SYT16: variants seen among roughly 807,000 people sequenced by gnomAD.
The protein encoded by SYT16 is synaptotagmin 16.
In SYT16, 42 loss-of-function variants were observed where a neutral mutation model predicts 61.4. The observed-to-expected ratio is 0.68, with a 90% CI of 0.53 to 0.89. The LOEUF (loss-of-function observed/expected upper bound fraction) is 0.89, where lower values mean the gene tolerates loss of function less well. Ranked by LOEUF, SYT16 falls within the 40% of genes least tolerant of loss-of-function variation. The pLI is 0.00. For missense variants in SYT16, 804 were observed against 807.3 expected (o/e 1.00, Z 0.05); for synonymous variants, 314 against 302.3 (o/e 1.04, Z -0.40).
rs565562899 is a variant in SYT16 at position 62,014,209 on chromosome 14, G to A, written c.523+17667G>A. 9.2e-5 allele frequency among the ~76,000 whole-genome samples: 14 copies of A among 152,182 alleles called. No individual in the cohort carries two copies. In the East Asian group the frequency reaches 2.1e-3, roughly 23 times the overall value. ...GGTTCACAGATCCAACTGCCTTCACGTGGATGACAGATATCACATACATGT... is the reference window on the plus strand; with the variant it reads ...GGTTCACAGATCCAACTGCCTTCACATGGATGACAGATATCACATACATGT... On this transcript the variant is annotated intron_variant, in intron 3 of 7. Transcript: ENST00000683842.
intron 3 of SYT16, among the ~76,000 whole-genome samples, chr14:62,047,722 A>T (rs917727639): frequency 6.6e-6 from 1 of 152,168 alleles, no homozygotes; most frequent in Admixed American, 6.5e-5. Context: ...TTCTGCATCT[A>T]TTGAGATAAT....
Position 62,107,090 on chromosome 14 carries a change from A to G in SYT16, c.*6383A>G, listed in dbSNP as rs1185705417. ...GTTTACGTCATTTCCCCCTTGAAGTATCTAGTTGCTGGGGTTTTGTTTGTT... is the reference window on the plus strand; with the variant it reads ...GTTTACGTCATTTCCCCCTTGAAGTGTCTAGTTGCTGGGGTTTTGTTTGTT... On this transcript the variant is annotated 3_prime_UTR_variant, in exon 8 of 8. Transcript: ENST00000683842. The G allele has an allele frequency of 2.1e-5, 3 of 146,276 alleles. No individual in the cohort carries two copies. The highest frequency in any genetic ancestry group is 3.0e-5 in the Non-Finnish European group (2 of 66,202). The allele number at this position is 146,276 out of a possible 1,614,324, so 9.1% of individuals were successfully genotyped here.
chr14:62,048,182 A>T (rs1235406828), intron 3 of SYT16, among the ~76,000 whole-genome samples: 3 of 152,218 alleles, frequency 2.0e-5, no homozygotes, highest in Non-Finnish European at 4.4e-5. Context: ...CAGGGATTCA[A>T]CTTCTTCCTG....
chr14:61,905,528 T>C (rs2048670429), intron 1 of SYT16, among the ~76,000 whole-genome samples: 1 of 152,222 alleles, frequency 6.6e-6, no homozygotes, highest in South Asian at 2.1e-4. Context: ...CAGTGGAGTG[T>C]GGCTGGAAGT....
intron 1 of SYT16, among the ~76,000 whole-genome samples, chr14:61,938,666 C>T (rs1014629418): frequency 9.9e-5 from 15 of 151,924 alleles, no homozygotes; most frequent in Admixed American, 5.2e-4. Context: ...GGAATTTGGG[C>T]TTTATATTGT....
intron 1 of SYT16, among the ~76,000 whole-genome samples, chr14:61,817,165 C>T (rs2045467808): frequency 6.6e-6 from 1 of 151,800 alleles, no homozygotes; most frequent in Admixed American, 6.6e-5. Context: ...GCCTGTAATC[C>T]GAGCACTTTG....
intron 3 of SYT16, among the ~76,000 whole-genome samples, chr14:62,040,964 G>A (rs977021240): frequency 6.6e-6 from 1 of 152,086 alleles, no homozygotes; most frequent in Non-Finnish European, 1.5e-5. Context: ...TTATTAAGGG[G>A]TATCAACTCA....
chr14:62,022,909 A>G (rs996861925), intron 3 of SYT16, among the ~76,000 whole-genome samples: 3 of 152,136 alleles, frequency 2.0e-5, no homozygotes, highest in Non-Finnish European at 2.9e-5. Flanking sequence ...TCCCCTTATA[A>G]ACAGATTCTA....
intron 3 of SYT16, among the ~76,000 whole-genome samples, chr14:62,063,212 C>A: frequency 6.6e-6 from 1 of 152,156 alleles, no homozygotes; most frequent in Admixed American, 6.5e-5. Context: ...CACCCTTCCA[C>A]TACAACAACC....
At chr14:62,089,796 C>A (rs1595390185) in intron 7 of SYT16, among the ~76,000 whole-genome samples, 1 of 152,176 alleles carries the variant, frequency 6.6e-6, no homozygotes, top group African/African-American at 2.4e-5. Context: ...CAGGTCTGTC[C>A]CTGGCTAATG....
chr14:61,837,649 C>T (rs115175582), intron 1 of SYT16, among the ~76,000 whole-genome samples: 3,404 of 152,256 alleles, frequency 0.022, 63 homozygotes, highest in African/African-American at 0.052. Context: ...GAGAATCCAC[C>T]GCTCAGTGGA....
chr14:62,010,275 T>C (rs77086894), intron 3 of SYT16, among the ~76,000 whole-genome samples: 4,028 of 152,192 alleles, frequency 0.026, 187 homozygotes, highest in African/African-American at 0.092. Flanking sequence ...TGTCAGGTGA[T>C]GAAAAGTGCC....
chr14:61,921,101 C>T (rs1357869255), intron 1 of SYT16, among the ~76,000 whole-genome samples: 49 of 152,224 alleles, frequency 3.2e-4, no homozygotes, highest in Admixed American at 3.2e-3. Context: ...TTAGATTTGT[C>T]TCTTGCCTCC....
chr14:61,886,411 C>G (rs1239529338), intron 1 of SYT16, among the ~76,000 whole-genome samples: 1 of 152,142 alleles, frequency 6.6e-6, no homozygotes, highest in East Asian at 1.9e-4. Context: ...AGAGTCAATC[C>G]TCTCGAACCT....
intron 1 of SYT16, among the ~76,000 whole-genome samples, chr14:61,951,824 C>G (rs1414814701): frequency 6.6e-6 from 1 of 152,038 alleles, no homozygotes; most frequent in Non-Finnish European, 1.5e-5. Flanking sequence ...GGGTCTCACT[C>G]TGTTGCCCAG....
rs554552041 is a variant in SYT16 at position 61,900,798 on chromosome 14, C to T, written c.-324-69334C>T. ...GAGGGCCTGTTTGGCTTGGCTTGGA[C>T]TATGTACCCACCACCTGATCAGGGG... is the stretch of plus-strand genomic sequence containing the variant. On this transcript the variant is annotated intron_variant, in intron 1 of 7. Coordinates refer to ENST00000683842, the MANE Select transcript of SYT16 (RefSeq NM_001367656.1). 1.3e-5 allele frequency among the ~76,000 whole-genome samples: 2 copies of T among 152,292 alleles called. 1 individual carries two copies. The highest frequency in any genetic ancestry group is 1.3e-4 in the Admixed American group (2 of 15,300).
chr14:61,830,495 A>G (rs1163663859), intron 1 of SYT16, among the ~76,000 whole-genome samples: 1 of 152,182 alleles, frequency 6.6e-6, no homozygotes, highest in African/African-American at 2.4e-5. Context: ...TGAAACCTGT[A>G]TGATATTTCT....
chr14:61,990,541 T>C (rs910925722), intron 2 of SYT16, among the ~76,000 whole-genome samples: 1 of 152,222 alleles, frequency 6.6e-6, no homozygotes, highest in Non-Finnish European at 1.5e-5. Context: ...GACCATATTA[T>C]TGGAAACATG....
chr14:61,856,898 G>A (rs72716788), intron 1 of SYT16, among the ~76,000 whole-genome samples: 6,875 of 152,142 alleles, frequency 0.045, 257 homozygotes, highest in Non-Finnish European at 0.069. Flanking sequence ...GAGGTAGGAG[G>A]AAACACACGA....
Sources: gnomAD v4.1 joint callset for allele counts (sites outside exome capture counted in the v4.1 genomes callset) on GRCh38, gnomAD v4.1.1 for gene constraint, MANE v1.5 for transcripts, NCBI Gene and HGNC (gene_info 2026-07-23, HGNC 2026-07-21) for gene names.